The following ZNF14 variants were observed in gnomAD, a reference collection of about 807,000 sequenced individuals.
ZNF14 encodes gonadotropin inducible transcription repressor-4.
Under a neutral mutation model 11.3 loss-of-function variants are expected in ZNF14, and 9 were observed. The ratio of observed to expected loss-of-function variants is 0.80; its 90% confidence interval spans 0.48 to 1.39. The LOEUF is 1.39. Ranked by LOEUF, ZNF14 falls within the 40% of genes most tolerant of loss-of-function variation. ZNF14 has a pLI of 0.00. For missense variants in ZNF14, 711 were observed against 763.9 expected (o/e 0.93, Z 0.82); for synonymous variants, 239 against 245.7 (o/e 0.97, Z 0.25).
Position 19,727,448 on chromosome 19 carries a change from G to T in ZNF14, c.3+5508C>A, listed in dbSNP as rs1457208930. Among the ~76,000 whole-genome samples, 2 of 131,512 alleles carry T rather than the reference G, an allele frequency of 1.5e-5. 1 individual carries two copies. Among genetic ancestry groups the T allele is most frequent in the African/African-American group, 5.6e-5 (2 of 35,446 alleles). 86.3% of individuals were successfully genotyped at this position (131,512 alleles called of 152,430 possible). On this transcript the variant is annotated intron_variant, in intron 1 of 3. Coordinates refer to ENST00000344099, the MANE Select transcript of ZNF14 (RefSeq NM_021030.3). ...AATGCACGCAGCCTAAAATATTTTA[G>T]AATATAAAAGGGATATAACAGATAC...
intron 2 of ZNF14, 96 bp downstream of exon 2, chr19:19,714,265 T>C: frequency 1.3e-6 from 2 of 1,596,306 alleles, no homozygotes; most frequent in South Asian, 2.2e-5. Context: ...AAAGATTCCC[T>C]TTCCACATTT....
intron 1 of ZNF14, among the ~76,000 whole-genome samples, chr19:19,728,531 A>AAC (rs2062412927): frequency 7.7e-6 from 1 of 129,144 alleles, no homozygotes; most frequent in Non-Finnish European, 1.7e-5. Flanking sequence ...AAAAAAAAAA[A>AAC]AAAAACATAT....
Position 19,711,910 on chromosome 19 carries a change from C to T in ZNF14, c.1371G>A (p.Arg457=). The change falls in exon 4 of 4, where the codon AGG becomes AGA. Residue 457 remains arginine, a synonymous_variant. Coordinates refer to ENST00000344099, the MANE Select transcript of ZNF14 (RefSeq NM_021030.3). ...CATGAATTCGAAAATAACTTGAACACCTGAAGGCTTTCCCACACTGTTTAC... is the reference window on the plus strand; with the variant it reads ...CATGAATTCGAAAATAACTTGAACATCTGAAGGCTTTCCCACACTGTTTAC... ...YECKQCGKAF[R]CSSYFRIHER... The T allele has an allele frequency of 1.9e-6, 3 of 1,611,506 alleles. 1 individual carries two copies. The highest frequency in any genetic ancestry group is 4.5e-5 in the East Asian group (2 of 44,668).
chr19:19,718,518 C>T (rs2062383675), intron 1 of ZNF14, among the ~76,000 whole-genome samples: 2 of 152,106 alleles, frequency 1.3e-5, no homozygotes, highest in East Asian at 3.9e-4. Context: ...GGAACATACA[C>T]ATAATAGTAC....
Position 19,712,793 on chromosome 19 carries a change from T to G in ZNF14, c.488A>C (p.His163Pro), listed in dbSNP as rs763074340. ...ACATTCATAGGGCTTCACTCCAGTGTGAGTTCTTTCATGTTTGCGAAAGCA... is the reference window on the plus strand; with the variant it reads ...ACATTCATAGGGCTTCACTCCAGTGGGAGTTCTTTCATGTTTGCGAAAGCA... ...HHCFRKHERT[H>P]TGVKPYECKQ... Residue 163 changes from histidine (H) to proline (P), a missense_variant, in exon 4 of 4, where the codon CAC becomes CCC. Coordinates refer to ENST00000344099, the MANE Select transcript of ZNF14 (RefSeq NM_021030.3). 6.2e-7 allele frequency: 1 copy of G among 1,614,206 alleles called. No individual in the cohort carries two copies. The highest frequency in any genetic ancestry group is 1.1e-5 in the South Asian group (1 of 91,076).
intron 1 of ZNF14, among the ~76,000 whole-genome samples, chr19:19,723,693 G>A: frequency 7.5e-6 from 1 of 132,550 alleles, no homozygotes; most frequent in Non-Finnish European, 1.7e-5. Flanking sequence ...GTAGAATCTG[G>A]CTGTGAATCC....
At chr19:19,722,440 T>G (rs1353912436) in intron 1 of ZNF14, among the ~76,000 whole-genome samples, 4 of 152,234 alleles carry the variant, frequency 2.6e-5, no homozygotes, top group Non-Finnish European at 5.9e-5. Flanking sequence ...GTATCTCTGT[T>G]TTGGTACCAG....
In ZNF14 at chr19:19,712,983, C is replaced by T. The variant is rs1206106392; in HGVS notation, c.298G>A (p.Ala100Thr). ...CAAAAGCTGCATTCATGTGGTTTTG[C>T]TCCAGTAAAAGTTTCCTTGTTGATA... ...VNINKETFTG[A>T]KPHECSFCGR... is the part of the protein sequence containing the mutation. Residue 100 changes from alanine to threonine, a missense_variant, in exon 4 of 4, where the codon GCA becomes ACA. Coordinates refer to ENST00000344099, the MANE Select transcript of ZNF14 (RefSeq NM_021030.3). The T allele has an allele frequency of 1.2e-6, 2 of 1,614,144 alleles. No homozygotes were observed. The highest frequency in any genetic ancestry group is 1.7e-5 in the Admixed American group (1 of 60,028).
intron 1 of ZNF14, among the ~76,000 whole-genome samples, chr19:19,716,580 T>C (rs1165156658): frequency 6.6e-6 from 1 of 152,120 alleles, no homozygotes; most frequent in Non-Finnish European, 1.5e-5. Flanking sequence ...TGAGTCCCCA[T>C]GCCTGGCAAT....
At chr19:19,713,980 T>G in intron 3 of ZNF14, 111 bp downstream of exon 3, 1 of 1,022,054 alleles carries the variant, frequency 9.8e-7, no homozygotes, top group Non-Finnish European at 1.5e-6. Flanking sequence ...GAAAACATTT[T>G]CAGTGAAAGT....
chr19:19,730,634 C>T (rs247780), intron 1 of ZNF14, among the ~76,000 whole-genome samples: 31,551 of 152,128 alleles, frequency 0.21, 4,151 homozygotes, highest in Non-Finnish European at 0.28. Flanking sequence ...CAATACAGGC[C>T]GGGCGCAGTG....
Position 19,733,085 on chromosome 19 carries a change from A to C in ZNF14, c.-127T>G. 2 of 1,254,980 alleles carry C rather than the reference A, an allele frequency of 1.6e-6. No individual in the cohort carries two copies. Among genetic ancestry groups the C allele is most frequent in the East Asian group, 2.6e-5 (1 of 38,546 alleles). The allele number at this position is 1,254,980 out of a possible 1,614,324, so 77.7% of individuals were successfully genotyped here. On this transcript the variant is annotated 5_prime_UTR_variant, in exon 1 of 4. The change abolishes an upstream ATG in the 5' untranslated region. Transcript: ENST00000344099. Reference sequence around the variant, plus strand: ...GGAGCAGGTGAAACGCAATCTTCCCATGGGCCAGGAATGGCGACGTCCGCA... The same window carrying C: ...GGAGCAGGTGAAACGCAATCTTCCCCTGGGCCAGGAATGGCGACGTCCGCA...
rs2062370518 is a variant in ZNF14 at position 19,714,080 on chromosome 19, A to C, written c.191+11T>G. On this transcript the variant is annotated intron_variant, in intron 3 of 3. Transcript: ENST00000344099. ...CCCACGGGCCACTATTTTTCTGTGG[A>C]TGCAACTCACCTTCGATTTTTCCCC... The C allele has an allele frequency of 1.2e-6, 2 of 1,612,288 alleles. No individual in the cohort carries two copies. The highest frequency in any genetic ancestry group is 1.7e-6 in the Non-Finnish European group (2 of 1,179,178).
At chr19:19,714,549 C>A in intron 1 of ZNF14, 62 bp from the exon 2 acceptor site, 1 of 1,548,542 alleles carries the variant, frequency 6.5e-7, no homozygotes, top group Non-Finnish European at 8.7e-7. Context: ...GGGATCTATA[C>A]TTGATTTGTA....
rs574694025 is a variant in ZNF14, at chr19:19,717,248, G to A, written c.4-2761C>T. On this transcript the variant is annotated intron_variant, in intron 1 of 3. Coordinates refer to ENST00000344099, the MANE Select transcript of ZNF14 (RefSeq NM_021030.3). Reference sequence around the variant, plus strand: ...CACTAGGGCCTCCCTCAGAAGTCAGGAGAGTGATATACTTAGCATCACCGG... The same window carrying A: ...CACTAGGGCCTCCCTCAGAAGTCAGAAGAGTGATATACTTAGCATCACCGG... Among the ~76,000 whole-genome samples, 169 of 152,224 alleles carry A rather than the reference G, an allele frequency of 1.1e-3. 1 individual carries two copies. The highest frequency in any genetic ancestry group is 3.7e-3 in the African/African-American group (154 of 41,550).
chr19:19,711,256 ATGTT>A lies in ZNF14; in HGVS notation c.*92_*95del. On this transcript the variant is annotated 3_prime_UTR_variant, in exon 4 of 4. Coordinates refer to ENST00000344099, the MANE Select transcript of ZNF14 (RefSeq NM_021030.3). ...TGGAACAATTAAGGGCTTTAGAACA[ATGTT>A]TGTATTCACACAGCTTCTGTCCAGT... 1 of 1,371,460 alleles carries A rather than the reference ATGTT, an allele frequency of 7.3e-7. No individual in the cohort carries two copies. The highest frequency in any genetic ancestry group is 9.8e-7 in the Non-Finnish European group (1 of 1,017,256). The allele number at this position is 1,371,460 out of a possible 1,614,324, so 85.0% of individuals were successfully genotyped here. A position where few individuals can be genotyped will look rare whatever the true frequency, so the allele number is the denominator to read the frequency against.
At chr19:19,719,947 G>A (rs1466492713) in intron 1 of ZNF14, among the ~76,000 whole-genome samples, 1 of 152,218 alleles carries the variant, frequency 6.6e-6, no homozygotes, top group Non-Finnish European at 1.5e-5. Flanking sequence ...GTTCATTTCA[G>A]ACAAAGCTGA....
Position 19,712,138 on chromosome 19 carries a change from A to G in ZNF14, c.1143T>C (p.His381=). 6.2e-7 allele frequency: 1 copy of G among 1,614,004 alleles called. No individual in the cohort carries two copies. Among genetic ancestry groups the G allele is most frequent in the Non-Finnish European group, 8.5e-7 (1 of 1,180,012 alleles). Residue 381 remains histidine (H), a synonymous_variant, in exon 4 of 4, where the codon CAT becomes CAC. Transcript: ENST00000344099. ...GTTTCTCTCCAGTATGAGTTCTTTC[A>G]TGCAATCGAAGAGAAATGGACCAAC... ...SFSWSISLRL[H]ERTHTGEKPY...
At chr19:19,727,425 T>C (rs2062409446) in intron 1 of ZNF14, among the ~76,000 whole-genome samples, 1 of 131,960 alleles carries the variant, frequency 7.6e-6, no homozygotes, top group Admixed American at 7.5e-5. Context: ...TGTGAGGCAA[T>C]GCACGCAGCC....
Sources: allele counts gnomAD v4.1 joint callset (sites outside exome capture counted in the v4.1 genomes callset), GRCh38; gene constraint gnomAD v4.1.1; transcripts MANE v1.5; gene names NCBI Gene and HGNC (gene_info 2026-07-23, HGNC 2026-07-21).